The following SLC9A2 variants were observed in gnomAD, a reference collection of about 807,000 sequenced individuals.
The protein encoded by SLC9A2 is sodium/hydrogen exchanger 2.
A neutral mutation model predicts 71.7 loss-of-function variants in SLC9A2; 42 were observed. The observed-to-expected ratio is 0.59, with a 90% CI of 0.46 to 0.76. SLC9A2 has a LOEUF of 0.76. Among genes scored for constraint, SLC9A2 ranks in the 30% least tolerant of loss-of-function variants. The pLI is 0.00. For missense variants in SLC9A2, 829 were observed against 1,017.4 expected (o/e 0.81, Z 2.52); for synonymous variants, 396 against 392.5 (o/e 1.01, Z -0.10).
At chr2:102,704,486 G>A (rs1677934322) in intron 9 of SLC9A2, 58 bp from the exon 10 acceptor site, 21 of 1,543,936 alleles carry the variant, frequency 1.4e-5, no homozygotes, top group Non-Finnish European at 1.9e-5. Context: ...AATTTCTGGG[G>A]GAAATGATCA....
At chr2:102,639,487 A>C (rs1237705086) in intron 1 of SLC9A2, among the ~76,000 whole-genome samples, 1 of 152,242 alleles carries the variant, frequency 6.6e-6, no homozygotes, top group Admixed American at 6.5e-5. Context: ...AGAACACTGC[A>C]TGGTGACCAT....
chr2:102,681,993 G>C (rs1270472283), intron 3 of SLC9A2, among the ~76,000 whole-genome samples: 1 of 152,128 alleles, frequency 6.6e-6, no homozygotes, highest in Admixed American at 6.5e-5. Flanking sequence ...AGTCTTCTCC[G>C]AGTGAGGAGG....
chr2:102,686,705 A>G (rs1677553275), intron 5 of SLC9A2: 1 of 152,342 alleles, frequency 6.6e-6, no homozygotes, highest in African/African-American at 2.4e-5. Flanking sequence ...AGGGCAGAGG[A>G]TCAGTCGAAG....
At chr2:102,645,000 C>A (rs1437127726) in intron 1 of SLC9A2, among the ~76,000 whole-genome samples, 1 of 152,182 alleles carries the variant, frequency 6.6e-6, no homozygotes, top group Admixed American at 6.5e-5. Context: ...TGGCTCCTGA[C>A]TGGGAGACAC....
At chr2:102,705,967 T>A (rs1677967629) in intron 11 of SLC9A2, 31 bp downstream of exon 11, 4 of 1,330,342 alleles carry the variant, frequency 3.0e-6, no homozygotes, top group Non-Finnish European at 3.1e-6. Flanking sequence ...AGAAAAATTT[T>A]AAATTTATTT....
chr2:102,621,489 T>C (rs1447026810), intron 1 of SLC9A2, among the ~76,000 whole-genome samples: 1 of 152,232 alleles, frequency 6.6e-6, no homozygotes, highest in Non-Finnish European at 1.5e-5. Flanking sequence ...CATGGTGCTT[T>C]ATATTATTTT....
At chr2:102,688,511 C>T (rs112663836) in intron 5 of SLC9A2, among the ~76,000 whole-genome samples, 6,894 of 152,188 alleles carry the variant, frequency 0.045, 267 homozygotes, top group African/African-American at 0.1. Flanking sequence ...GGGTGGATCA[C>T]GAGGTCAGGA....
At chr2:102,624,897 T>C (rs552230770) in intron 1 of SLC9A2, among the ~76,000 whole-genome samples, 2 of 152,350 alleles carry the variant, frequency 1.3e-5, no homozygotes, top group African/African-American at 4.8e-5. Context: ...AAGAGTTTCA[T>C]ATCTGTCTGA....
In SLC9A2 at chr2:102,702,429, G is replaced by C. The variant is rs762683351; in HGVS notation, c.1772G>C (p.Arg591Thr). The C allele has an allele frequency of 1.3e-6, 2 of 1,594,204 alleles. No individual in the cohort carries two copies. Among genetic ancestry groups the C allele is most frequent in the South Asian group, 2.3e-5 (2 of 87,728 alleles). The change falls in exon 9 of 12, where the codon AGG (arginine) becomes ACG (threonine). Residue 591 changes from arginine to threonine, a missense_variant. Transcript: ENST00000233969. ...AGTGATTGTCGTGAAGAAAAAATAAGGAAGGTCACGTCCAGTGAAACTGAT... is the reference window on the plus strand; with the variant it reads ...AGTGATTGTCGTGAAGAAAAAATAACGAAGGTCACGTCCAGTGAAACTGAT... ...SLNDCREEKIRKVTSSETDEI... is the reference protein window; with the variant it reads ...SLNDCREEKITKVTSSETDEI...
At chr2:102,680,527 G>C (rs1052344725) in intron 3 of SLC9A2, among the ~76,000 whole-genome samples, 5 of 152,010 alleles carry the variant, frequency 3.3e-5, no homozygotes, top group Admixed American at 2.0e-4. Context: ...CGTCAAGTCA[G>C]TGTGACAGAG....
rs376425428 is a variant in SLC9A2 at position 102,705,898 on chromosome 2, C to T, written c.2030C>T (p.Pro677Leu). 2 of 1,606,164 alleles carry T rather than the reference C, an allele frequency of 1.2e-6. No homozygotes were observed. The highest frequency in any genetic ancestry group is 2.7e-5 in the African/African-American group (2 of 74,446). Residue 677 changes from proline to leucine, a missense_variant, in exon 11 of 12, where the codon CCA becomes CTA. By Grantham distance (98) the Pro-to-Leu change is moderately conservative (BLOSUM62 -3). This residue lies in a region of SLC9A2 where 223 missense variants were observed against 197.5 expected (regional missense o/e 1.13). Coordinates refer to ENST00000233969, the MANE Select transcript of SLC9A2 (RefSeq NM_003048.6). The stretch of plus-strand genomic sequence containing the variant: ...TCCTTACCTAAAAATACGAAGCTTC[C>T]AGAAAAGCTACAAAAGAGGAGGACT... The part of the protein sequence containing the change: ...YLSLPKNTKL[P>L]EKLQKRRTIS...
chr2:102,621,043 G>A (rs990738968), intron 1 of SLC9A2, among the ~76,000 whole-genome samples: 1 of 151,826 alleles, frequency 6.6e-6, no homozygotes, highest in Non-Finnish European at 1.5e-5. Flanking sequence ...TGTAATCCCA[G>A]CTACTCGGGA....
chr2:102,632,035 TATAC>T lies in SLC9A2; in HGVS notation c.289+11904_289+11907del, dbSNP rs1198484475. ...ATATATATATATATATATATATATATATACATACACACACACATATATATACACA... is the reference window on the plus strand; with the variant it reads ...ATATATATATATATATATATATATATATACACACACACATATATATACACA... On this transcript the variant is annotated intron_variant, in intron 1 of 11. Coordinates refer to ENST00000233969, the MANE Select transcript of SLC9A2 (RefSeq NM_003048.6). Among the ~76,000 whole-genome samples the T allele has an allele frequency of 1.8e-3, 147 of 80,194 alleles. 3 individuals are homozygous for T. The highest frequency in any genetic ancestry group is 7.3e-3 in the African/African-American group (122 of 16,662). The allele number at this position is 80,194 out of a possible 152,430, so 52.6% of individuals were successfully genotyped here.
intron 3 of SLC9A2, among the ~76,000 whole-genome samples, chr2:102,665,931 T>A (rs906642180): frequency 2.6e-5 from 4 of 152,010 alleles, no homozygotes; most frequent in Non-Finnish European, 5.9e-5. Context: ...GACAGTAAAC[T>A]GTTGGGGTGG....
At chr2:102,647,320 C>A (rs549294381) in intron 1 of SLC9A2, among the ~76,000 whole-genome samples, 1 of 152,054 alleles carries the variant, frequency 6.6e-6, no homozygotes, top group Non-Finnish European at 1.5e-5. Context: ...CACAAGGTAC[C>A]AGAATCTCTG....
intron 1 of SLC9A2, among the ~76,000 whole-genome samples, chr2:102,631,499 T>A (rs981121253): frequency 4.6e-5 from 7 of 152,068 alleles, no homozygotes; most frequent in Admixed American, 6.6e-5. Context: ...CCTACTGACA[T>A]ATCTCATTTT....
rs1678105661 is a variant in SLC9A2, at chr2:102,711,242, T to C, written c.*2753T>C. 6.6e-6 allele frequency: 1 copy of C among 152,350 alleles called. No individual in the cohort carries two copies. The highest frequency in any genetic ancestry group is 1.5e-5 in the Non-Finnish European group (1 of 68,032). The allele number at this position is 152,350 out of a possible 1,614,324, so 9.4% of individuals were successfully genotyped here. ...ATGTTAAAAGTCACGTTTCATAATC[T>C]GCAATATTTTTGTCAAAGTGCACAC... On this transcript the variant is annotated 3_prime_UTR_variant, in exon 12 of 12. Coordinates refer to ENST00000233969, the MANE Select transcript of SLC9A2 (RefSeq NM_003048.6).
Position 102,710,727 on chromosome 2 carries a change from A to G in SLC9A2, c.*2238A>G, listed in dbSNP as rs1488314338. On this transcript the variant is annotated 3_prime_UTR_variant, in exon 12 of 12. Transcript: ENST00000233969. ...TCTAGTCACTAGTCATTATGAGAGT[A>G]TTGACTAAATATTTTCACAATCTAA... is the stretch of plus-strand genomic sequence containing the variant. The G allele has an allele frequency of 3.3e-5, 5 of 152,298 alleles. No homozygotes were observed. The highest frequency in any genetic ancestry group is 1.2e-4 in the African/African-American group (5 of 41,452). 9.4% of individuals were successfully genotyped at this position (152,298 alleles called of 1,614,324 possible).
chr2:102,620,725 G>C (rs1473685202), intron 1 of SLC9A2, among the ~76,000 whole-genome samples: 1 of 152,176 alleles, frequency 6.6e-6, no homozygotes, highest in Non-Finnish European at 1.5e-5. Context: ...AGGCCAGTGA[G>C]GTGAGATGCA....
Sources: gnomAD v4.1 joint callset for allele counts (sites outside exome capture counted in the v4.1 genomes callset) on GRCh38, gnomAD v4.1.1 for gene constraint, gnomAD v4.1.1 regional missense constraint, MANE v1.5 for transcripts, NCBI Gene and HGNC (gene_info 2026-07-23, HGNC 2026-07-21) for gene names.